Variants in FAM83A observed in about 807,000 individuals in gnomAD.
FAM83A encodes protein FAM83A.
A neutral mutation model predicts 24.4 loss-of-function variants in FAM83A; 21 were observed. The observed-to-expected ratio is 0.86, with a 90% confidence interval of 0.61 to 1.24. FAM83A has a LOEUF of 1.24. FAM83A is among the 50% of genes most tolerant of loss of function. The pLI, the probability that FAM83A is intolerant of heterozygous loss-of-function variation, is 0.00. For missense variants in FAM83A, 617 were observed against 579.8 expected, an observed-to-expected ratio of 1.06 and a Z score of -0.66; for synonymous variants, 270 against 252.4, an observed-to-expected ratio of 1.07 and a Z score of -0.66.
intron 1 of FAM83A, 21 bp from the exon 2 acceptor site, chr8:123,191,782 G>T: frequency 6.2e-7 from 1 of 1,612,014 alleles, no homozygotes; most frequent in South Asian, 1.1e-5. Context: ...TCTGGTAACT[G>T]AGCACTCTGC....
chr8:123,207,400 G>T (rs780470151), exon 4 of FAM83A: 1 of 1,610,990 alleles, frequency 6.2e-7, no homozygotes, highest in East Asian at 2.2e-5. Context: ...GCGGCCGCTC[G>T]GCAGGCAGCC....
chr8:123,192,118 A>G (rs1010289666), intron 2 of FAM83A, 148 bp downstream of exon 2: 15 of 790,498 alleles, frequency 1.9e-5, no homozygotes, highest in Non-Finnish European at 2.8e-5. Flanking sequence ...TATGTAGGTC[A>G]GATGGCCCTC....
At chr8:123,185,970 T>C (rs1163625327) in intron 1 of FAM83A, among the ~76,000 whole-genome samples, 2 of 152,160 alleles carry the variant, frequency 1.3e-5, no homozygotes, top group Middle Eastern at 3.4e-3. Flanking sequence ...TTTGTATTTT[T>C]AGTAGAGATG....
chr8:123,182,781 G>A lies in FAM83A; in HGVS notation c.-76G>A. ...GGTGCGGGAGCCCCACTCCTCCGTG[G>A]TGTGTTCCATTTGCTTCCCACATCT... On this transcript the variant is annotated 5_prime_UTR_variant, in exon 1 of 4. It adds an upstream start codon to the 5' untranslated region. Transcript: ENST00000690554. 6.7e-7 allele frequency: 1 copy of A among 1,492,656 alleles called. No homozygotes were observed. The highest frequency in any genetic ancestry group is 8.9e-7 in the Non-Finnish European group (1 of 1,118,396). The allele number at this position is 1,492,656 out of a possible 1,614,324, so 92.5% of individuals were successfully genotyped here.
At chr8:123,208,143 A>C (rs1824627550) in exon 4 of FAM83A, 1 of 994,334 alleles carries the variant, frequency 1.0e-6, no homozygotes, top group Admixed American at 6.0e-5. Context: ...AATTCAGGAA[A>C]GAAAGACTGA....
chr8:123,207,941 G>A, exon 4 of FAM83A: 2 of 1,233,904 alleles, frequency 1.6e-6, no homozygotes, highest in Non-Finnish European at 2.0e-6. Context: ...GCAGCTAGAG[G>A]ACAAAATCAT....
At chr8:123,194,620 A>T (rs2131081504) in intron 3 of FAM83A, among the ~76,000 whole-genome samples, 1 of 151,928 alleles carries the variant, frequency 6.6e-6, no homozygotes, top group Non-Finnish European at 1.5e-5. Context: ...AGTAGCTGGG[A>T]TTGCAGGCAC....
upstream of FAM83A, chr8:123,182,338 T>G (rs1039463903): frequency 5.7e-6 from 2 of 352,788 alleles, no homozygotes; most frequent in African/African-American, 4.4e-5. Flanking sequence ...GGATGGCATC[T>G]TTCCCCCCCA....
At chr8:123,203,107 C>T (rs1007982772) in intron 3 of FAM83A, among the ~76,000 whole-genome samples, 1 of 151,978 alleles carries the variant, frequency 6.6e-6, no homozygotes, top group Admixed American at 6.6e-5. Context: ...GGATTACTAC[C>T]CACCATGCAC....
chr8:123,208,270 A>G (rs1824630777), exon 4 of FAM83A: 14 of 985,422 alleles, frequency 1.4e-5, no homozygotes, highest in Non-Finnish European at 1.7e-5. Context: ...AGGCCCCAGA[A>G]CCCGTTATCT....
At chr8:123,203,812 C>G (rs1824448895) in intron 3 of FAM83A, among the ~76,000 whole-genome samples, 1 of 150,952 alleles carries the variant, frequency 6.6e-6, no homozygotes, top group South Asian at 2.1e-4. Context: ...AAAAACAAAA[C>G]AAAAAATTAG....
At chr8:123,199,925 C>G (rs1824292041) in intron 3 of FAM83A, 1 of 154,166 alleles carries the variant, frequency 6.5e-6, no homozygotes, top group Non-Finnish European at 1.5e-5. Flanking sequence ...CTCAGCCCCG[C>G]TGCCCAGCCC....
At chr8:123,179,618 C>T (rs956639977), upstream of FAM83A, 2 of 152,180 alleles carry the variant, frequency 1.3e-5, no homozygotes, top group African/African-American at 4.8e-5. Context: ...ATGAGTGGCA[C>T]TAACATGTAC....
Position 123,208,369 on chromosome 8 carries a change from G to T in FAM83A, c.*681G>T, listed in dbSNP as rs149129202. 1,310 of 985,672 alleles carry T rather than the reference G, an allele frequency of 1.3e-3. 16 individuals carry two copies. In the African/African-American group the frequency reaches 0.019, roughly 15 times the overall value. The allele number at this position is 985,672 out of a possible 1,614,324, so 61.1% of individuals were successfully genotyped here. Reference sequence around the variant, plus strand: ...TGGGGTGTTGGGTTGGACAAGGCAGGTTAGTAGACTCAGATTCTTGCTTCA... The same window carrying T: ...TGGGGTGTTGGGTTGGACAAGGCAGTTTAGTAGACTCAGATTCTTGCTTCA... On this transcript the variant is annotated 3_prime_UTR_variant, in exon 4 of 4. Coordinates refer to ENST00000690554, the Ensembl canonical transcript of FAM83A.
At chr8:123,183,367 C>T in intron 1 of FAM83A, 31 bp downstream of exon 1, 1 of 1,589,634 alleles carries the variant, frequency 6.3e-7, no homozygotes, top group Non-Finnish European at 8.6e-7. Context: ...GTCTCCGTGG[C>T]CAAGTAGCAG....
intron 3 of FAM83A, among the ~76,000 whole-genome samples, chr8:123,198,653 G>A (rs1223629713): frequency 6.6e-6 from 1 of 152,110 alleles, no homozygotes; most frequent in Non-Finnish European, 1.5e-5. Flanking sequence ...TTCCACCCTC[G>A]AATCCTCAAA....
At chr8:123,190,120 A>G (rs1315066584) in intron 1 of FAM83A, among the ~76,000 whole-genome samples, 1 of 152,074 alleles carries the variant, frequency 6.6e-6, no homozygotes, top group Non-Finnish European at 1.5e-5. Context: ...TAAGCCCAAC[A>G]GTTCGAGACC....
intron 3 of FAM83A, among the ~76,000 whole-genome samples, chr8:123,197,310 C>G (rs1467345604): frequency 6.6e-6 from 1 of 152,216 alleles, no homozygotes; most frequent in Non-Finnish European, 1.5e-5. Context: ...CACACAAGTG[C>G]AGTTCACACC....
At chr8:123,184,838 TAGA>T (rs1480787855) in intron 1 of FAM83A, among the ~76,000 whole-genome samples, 1 of 152,250 alleles carries the variant, frequency 6.6e-6, no homozygotes, top group Non-Finnish European at 1.5e-5. Flanking sequence ...TTGTTACACT[TAGA>T]AGAAGTCATA....
Sources: allele counts gnomAD v4.1 joint callset (sites outside exome capture counted in the v4.1 genomes callset), GRCh38; gene constraint gnomAD v4.1.1; transcripts MANE v1.5; gene names NCBI Gene and HGNC (gene_info 2026-07-23, HGNC 2026-07-21).